BCAS3: variants seen among roughly 807,000 people sequenced by gnomAD.
BCAS3 encodes BCAS4/BCAS3 fusion.
BCAS3 carries 53 observed loss-of-function variants against 116.1 expected under a neutral mutation model. That is an observed-to-expected ratio of 0.46 (90% CI 0.37 to 0.57). BCAS3 has a LOEUF of 0.57. Among genes scored for constraint, BCAS3 ranks in the 20% least tolerant of loss-of-function variants. The pLI is 0.00. For missense variants in BCAS3, 917 were observed against 1,165.4 expected (o/e 0.79, Z 3.10); for synonymous variants, 391 against 408.2 (o/e 0.96, Z 0.51).
rs1022898398 is a variant in BCAS3 at position 61,281,194 on chromosome 17, G to A, written c.2426-87133G>A. 1.3e-5 allele frequency among the ~76,000 whole-genome samples: 2 copies of A among 152,114 alleles called. No homozygotes were observed. The highest frequency in any genetic ancestry group is 4.8e-5 in the African/African-American group (2 of 41,426). The stretch of plus-strand genomic sequence containing the variant: ...TTTTAGTATTTATAGAATTTCCTTA[G>A]AGACAACATAGTTTTCCACAATTTA... On this transcript the variant is annotated intron_variant, in intron 22 of 23. Coordinates refer to ENST00000407086, the MANE Select transcript of BCAS3 (RefSeq NM_017679.5). This position sits in a 1 kb window ranked among gnomAD's most constrained non-coding sequence, Gnocchi z 4.2.
chr17:60,982,026 T>C lies in BCAS3; in HGVS notation c.1222-7945T>C, dbSNP rs1253699872. Among the ~76,000 whole-genome samples the C allele has an allele frequency of 2.0e-5, 3 of 152,226 alleles. No individual in the cohort carries two copies. The South Asian group carries it at 6.2e-4, about 31-fold the overall frequency. ...AAGAAATTATATGTGTATGCACAAA[T>C]GTGTATATGTAGTTATGTAATATAT... On this transcript the variant is annotated intron_variant, in intron 14 of 23. Coordinates refer to ENST00000407086, the MANE Select transcript of BCAS3 (RefSeq NM_017679.5).
At chr17:61,297,386 A>T (rs1044971899) in intron 22 of BCAS3, among the ~76,000 whole-genome samples, 1 of 152,064 alleles carries the variant, frequency 6.6e-6, no homozygotes, top group Admixed American at 6.6e-5. Flanking sequence ...ATACTCCTTG[A>T]CTTTTTCTTT....
intron 15 of BCAS3, among the ~76,000 whole-genome samples, chr17:61,009,678 T>C (rs1011743996): frequency 6.6e-6 from 1 of 152,064 alleles, no homozygotes; most frequent in African/African-American, 2.4e-5. Flanking sequence ...ACTATACATA[T>C]GTACACACAG....
chr17:60,956,180 C>T lies in BCAS3; in HGVS notation c.1221+8828C>T, dbSNP rs185792685. ...TGTTCAATAATTACTTATTATAGTG[C>T]ACAAAATGTCCCACATTTGGCCAGT... On this transcript the variant is annotated intron_variant, in intron 14 of 23. Coordinates refer to ENST00000407086, the MANE Select transcript of BCAS3 (RefSeq NM_017679.5). This position sits in a 1 kb window ranked among gnomAD's most constrained non-coding sequence, Gnocchi z 4.2. Among the ~76,000 whole-genome samples, 50 of 152,246 alleles carry T rather than the reference C, an allele frequency of 3.3e-4. No individual in the cohort carries two copies. Among genetic ancestry groups the T allele is most frequent in the Non-Finnish European group, 2.9e-5 (2 of 68,008 alleles).
Position 61,226,722 on chromosome 17 carries a change from A to G in BCAS3, c.2426-141605A>G, listed in dbSNP as rs144443840. ...GAACCTTATCTCTTAGAAACCTTTA[A>G]TTGACTACCTAATATGTGCCAGATA... is the stretch of plus-strand genomic sequence containing the variant. On this transcript the variant is annotated intron_variant, in intron 22 of 23. Coordinates refer to ENST00000407086, the MANE Select transcript of BCAS3 (RefSeq NM_017679.5). The surrounding 1 kb of genome is among the most constrained non-coding windows in gnomAD (Gnocchi z 6.0). Among the ~76,000 whole-genome samples, 68 of 152,234 alleles carry G rather than the reference A, an allele frequency of 4.5e-4. No individual in the cohort carries two copies. The highest frequency in any genetic ancestry group is 1.6e-3 in the African/African-American group (66 of 41,528).
chr17:61,380,923 A>G lies in BCAS3; in HGVS notation c.2594-11054A>G, dbSNP rs1426092087. 6.6e-6 allele frequency among the ~76,000 whole-genome samples: 1 copy of G among 152,118 alleles called. No homozygotes were observed. ...AGTGCGTCTATTAGTGAGTAATTTG[A>G]TTTGTACCTATTCATTTGCAGTCCC... On this transcript the variant is annotated intron_variant, in intron 23 of 23. Coordinates refer to ENST00000407086, the MANE Select transcript of BCAS3 (RefSeq NM_017679.5). This position sits in a 1 kb window ranked among gnomAD's most constrained non-coding sequence, Gnocchi z 4.2.
intron 7 of BCAS3, among the ~76,000 whole-genome samples, chr17:60,821,549 C>G (rs2049969733): frequency 6.6e-6 from 1 of 152,122 alleles, no homozygotes; most frequent in Non-Finnish European, 1.5e-5. Flanking sequence ...AACCAATGTT[C>G]TACTTTCTGT....
intron 22 of BCAS3, among the ~76,000 whole-genome samples, chr17:61,191,780 A>AAAAAGAAAAGAAAAGAAAAGAAAAG (rs59158121): frequency 0.018 from 2,619 of 145,636 alleles, 79 homozygotes; most frequent in African/African-American, 0.062. Context: ...GTCTCAAAAA[A>AAAAAGAAAAGAAAAGAAAAGAAAAG]AAAAGAAAAG....
rs1293132832 is a variant in BCAS3 at position 61,215,197 on chromosome 17, C to T, written c.2425+130633C>T. 2.0e-5 allele frequency among the ~76,000 whole-genome samples: 3 copies of T among 152,224 alleles called. No individual in the cohort carries two copies. The highest frequency in any genetic ancestry group is 2.9e-5 in the Non-Finnish European group (2 of 68,034). ...ATTTCACCTATGTCTTATGCTTTAA[C>T]TCTTTTTAGAGAGGAGAACAAATCT... is the stretch of plus-strand genomic sequence containing the variant. On this transcript the variant is annotated intron_variant, in intron 22 of 23. Coordinates refer to ENST00000407086, the MANE Select transcript of BCAS3 (RefSeq NM_017679.5). The surrounding 1 kb of genome is among the most constrained non-coding windows in gnomAD (Gnocchi z 4.8).
In BCAS3 at chr17:61,304,793, G is replaced by A. The variant is rs148954129; in HGVS notation, c.2426-63534G>A. ...TTTGAGGCGGAGTTTCGCTCTTGTC[G>A]CCCAGGTTGGAGTGCAATGACACAA... On this transcript the variant is annotated intron_variant, in intron 22 of 23. Transcript: ENST00000407086. Among the ~76,000 whole-genome samples, 751 of 148,000 alleles carry A rather than the reference G, an allele frequency of 5.1e-3. 4 individuals are homozygous for A. The highest frequency in any genetic ancestry group is 0.018 in the African/African-American group (714 of 39,932).
At chr17:61,263,039 A>G (rs1053787386) in intron 22 of BCAS3, among the ~76,000 whole-genome samples, 1 of 152,246 alleles carries the variant, frequency 6.6e-6, no homozygotes, top group Non-Finnish European at 1.5e-5. Context: ...AAGTTAATCT[A>G]GAAATTAAAT....
At position 61,026,593 on chromosome 17, in the gene BCAS3, T is replaced by C. The variant is rs1250415108; in HGVS notation, c.1638-8073T>C. 1.3e-5 allele frequency among the ~76,000 whole-genome samples: 2 copies of C among 152,034 alleles called. No homozygotes were observed. The highest frequency in any genetic ancestry group is 2.9e-5 in the Non-Finnish European group (2 of 67,932). On this transcript the variant is annotated intron_variant, in intron 16 of 23. Coordinates refer to ENST00000407086, the MANE Select transcript of BCAS3 (RefSeq NM_017679.5). This position sits in a 1 kb window ranked among gnomAD's most constrained non-coding sequence, Gnocchi z 5.0. ...AGGGCTTCAGCAGTGAATTTTATTT[T>C]ATTTTAACTTAGAAATACTACAGGG...
intron 9 of BCAS3, chr17:60,887,178 G>A (rs569256785): frequency 6.6e-6 from 1 of 152,554 alleles, no homozygotes; most frequent in South Asian, 1.9e-4. Flanking sequence ...TCTGAAAAGC[G>A]CAATATTCGG....
intron 22 of BCAS3, among the ~76,000 whole-genome samples, chr17:61,268,987 T>A (rs1241452489): frequency 6.6e-6 from 1 of 152,186 alleles, no homozygotes; most frequent in African/African-American, 2.4e-5. Flanking sequence ...TATATATGTA[T>A]ATACCCCATT....
In BCAS3 at chr17:61,141,420, T is replaced by C. The variant is rs1343952146; in HGVS notation, c.2425+56856T>C. Among the ~76,000 whole-genome samples, 1 of 152,080 alleles carries C rather than the reference T, an allele frequency of 6.6e-6. No individual in the cohort carries two copies. Among genetic ancestry groups the C allele is most frequent in the Non-Finnish European group, 1.5e-5 (1 of 68,004 alleles). On this transcript the variant is annotated intron_variant, in intron 22 of 23. Coordinates refer to ENST00000407086, the MANE Select transcript of BCAS3 (RefSeq NM_017679.5). The surrounding 1 kb of genome is among the most constrained non-coding windows in gnomAD (Gnocchi z 4.3). Reference sequence around the variant, plus strand: ...AAAAAGTGTTAAAAGTAACCAGGTATAGTAGCAGGAGTCCATAGTCCCAGC... The same window carrying C: ...AAAAAGTGTTAAAAGTAACCAGGTACAGTAGCAGGAGTCCATAGTCCCAGC...
At chr17:61,357,429 C>T (rs1479353680) in intron 22 of BCAS3, among the ~76,000 whole-genome samples, 1 of 147,164 alleles carries the variant, frequency 6.8e-6, no homozygotes, top group Non-Finnish European at 1.5e-5. Flanking sequence ...GATCCTCTCT[C>T]TAAAAAAAAA....
intron 13 of BCAS3, among the ~76,000 whole-genome samples, chr17:60,942,581 A>G (rs1168432939): frequency 6.6e-6 from 1 of 152,212 alleles, no homozygotes; most frequent in Non-Finnish European, 1.5e-5. Flanking sequence ...ATAATTTATT[A>G]AATTATTTAT....
At chr17:61,003,946 A>T (rs926638899) in intron 15 of BCAS3, 1 of 152,054 alleles carries the variant, frequency 6.6e-6, no homozygotes. Context: ...AGGTCTTTTC[A>T]TGTACGCTGG....
chr17:60,796,628 T>C (rs2047235192), intron 6 of BCAS3, among the ~76,000 whole-genome samples: 1 of 152,246 alleles, frequency 6.6e-6, no homozygotes, highest in African/African-American at 2.4e-5. Context: ...TGGTTAATCT[T>C]GCTAATGATC....
Sources: gnomAD v4.1 joint callset for allele counts (sites outside exome capture counted in the v4.1 genomes callset) on GRCh38, gnomAD v4.1.1 for gene constraint, Gnocchi (gnomAD v3.1) non-coding constraint, MANE v1.5 for transcripts, NCBI Gene and HGNC (gene_info 2026-07-23, HGNC 2026-07-21) for gene names.